Variants in CCDC142 observed in about 807,000 individuals in gnomAD.
The protein encoded by CCDC142 is coiled-coil domain containing 142, also known as coiled-coil domain-containing protein 142.
A neutral mutation model predicts 83.8 loss-of-function variants in CCDC142; 67 were observed. The observed-to-expected ratio is 0.80, with a 90% confidence interval of 0.66 to 0.98. The LOEUF (loss-of-function observed/expected upper bound fraction) is 0.98, where lower values mean the gene tolerates loss of function less well. Ranked by LOEUF, CCDC142 falls within the 50% of genes least tolerant of loss-of-function variation. CCDC142 has a pLI of 0.00. For missense variants in CCDC142, 905 were observed against 946.8 expected (o/e 0.96, Z 0.58); for synonymous variants, 421 against 421.2 (o/e 1.00, Z 0.01).
At chr2:74,478,724 T>A (rs1672381361) in intron 5 of CCDC142, among the ~76,000 whole-genome samples, 1 of 151,656 alleles carries the variant, frequency 6.6e-6, no homozygotes, top group South Asian at 2.1e-4. Context: ...AAAAAAAAAT[T>A]TTTTTAAGTA....
In CCDC142 at chr2:74,473,583, C is replaced by T. The variant is rs1258976732; in HGVS notation, c.*963G>A. On this transcript the variant is annotated 3_prime_UTR_variant, in exon 9 of 9. Transcript: ENST00000393965. ...CCGCCCCTCTAGGCCTCCCAAAGTG[C>T]TGGGATTACAGGCGTGAGCAGGCGT... 6.6e-6 allele frequency among the ~76,000 whole-genome samples: 1 copy of T among 152,112 alleles called. No individual in the cohort carries two copies. Among genetic ancestry groups the T allele is most frequent in the Non-Finnish European group, 1.5e-5 (1 of 68,018 alleles).
chr2:74,482,712 C>T lies in CCDC142; in HGVS notation c.126G>A (p.Glu42=). ...ERSRTGGLRW[E]VHCWPSGTSG... ...AAGTTCCGCTCGGCCAGCAGTGAAC[C>T]TCCCAGCGAAGACCGCCCGTTCGAC... The change falls in exon 1 of 9, where the codon GAG becomes GAA. Residue 42 remains glutamate (E), a synonymous_variant. Transcript: ENST00000393965. This position sits in a 1 kb window ranked among gnomAD's most constrained non-coding sequence, Gnocchi z 5.0. 6.2e-7 allele frequency: 1 copy of T among 1,607,308 alleles called. No individual in the cohort carries two copies.
Position 74,481,827 on chromosome 2 carries a change from T to C in CCDC142, c.1011A>G (p.Ala337=), listed in dbSNP as rs778666932. Residue 337 remains alanine, a synonymous_variant, in exon 1 of 9, where the codon GCA becomes GCG. Transcript: ENST00000393965. ...PRATAQQLSQ[A]LGQASLPQEC... ...AAGCCCATCACTCACCCTGACCCAG[T>C]GCCTGACTCAGCTGTTGCGCTGTTG... The C allele has an allele frequency of 4.8e-5, 78 of 1,611,320 alleles. No homozygotes were observed. In the Admixed American group the frequency reaches 1.2e-3, roughly 25 times the overall value.
At position 74,480,759 on chromosome 2, in the gene CCDC142, C is replaced by T. The variant is rs1558574094; in HGVS notation, c.1503+10G>A. The T allele has an allele frequency of 1.3e-6, 2 of 1,597,836 alleles. No homozygotes were observed. Among genetic ancestry groups the T allele is most frequent in the East Asian group, 2.2e-5 (1 of 44,610 alleles). ...TCTTACACTGCCACTGTTGAGGCCC[C>T]TGTTCTCACCTGGATCTGTGCAGTC... On this transcript the variant is annotated intron_variant, in intron 5 of 8. Transcript: ENST00000393965.
rs752756542 is a variant in CCDC142 at position 74,482,623 on chromosome 2, G to A, written c.215C>T (p.Ala72Val). The A allele has an allele frequency of 1.9e-6, 3 of 1,609,912 alleles. No individual in the cohort carries two copies. The highest frequency in any genetic ancestry group is 2.5e-6 in the Non-Finnish European group (3 of 1,178,482). ...ACCTGCGGGCCCCCGCCTCCAGGCC[G>A]CAGCATCAGCCTCGTAGTCCTCGCT... ...DVSEDYEADAAAWRRGPAGGG... is the reference protein window; with the variant it reads ...DVSEDYEADAVAWRRGPAGGG... Residue 72 changes from alanine (A) to valine (V), a missense_variant, in exon 1 of 9, where the codon GCG becomes GTG. By Grantham distance (64) the Ala-to-Val change is moderately conservative (BLOSUM62 0). This residue lies in a region of CCDC142 where 591 missense variants were observed against 571.4 expected (regional missense o/e 1.03). Coordinates refer to ENST00000393965, the MANE Select transcript of CCDC142 (RefSeq NM_001365575.2). The surrounding 1 kb of genome is among the most constrained non-coding windows in gnomAD (Gnocchi z 5.0).
At chr2:74,479,025 C>CAAA (rs56291332) in intron 5 of CCDC142, among the ~76,000 whole-genome samples, 2 of 62,096 alleles carry the variant, frequency 3.2e-5, no homozygotes, top group Non-Finnish European at 6.6e-5. Flanking sequence ...GACACCTTCT[C>CAAA]AAAAAAAAAA....
intron 1 of CCDC142, 103 bp downstream of exon 1, chr2:74,481,714 T>A: frequency 6.9e-7 from 1 of 1,454,728 alleles, no homozygotes; most frequent in Non-Finnish European, 9.4e-7. Context: ...GTGTTCTTTC[T>A]AAAGGGCCTG....
In CCDC142 at chr2:74,472,982, C is replaced by G. The variant is rs186823767; in HGVS notation, c.*1564G>C. Reference sequence around the variant, plus strand: ...AATACGCCCGTTTTCTGCAGCCTTTCCCCTTCTGTACCCTGCTGGGCCACA... The same window carrying G: ...AATACGCCCGTTTTCTGCAGCCTTTGCCCTTCTGTACCCTGCTGGGCCACA... On this transcript the variant is annotated 3_prime_UTR_variant, in exon 9 of 9. Coordinates refer to ENST00000393965, the MANE Select transcript of CCDC142 (RefSeq NM_001365575.2). 377 of 417,364 alleles carry G rather than the reference C, an allele frequency of 9.0e-4. 1 individual carries two copies. The highest frequency in any genetic ancestry group is 2.7e-3 in the Admixed American group (70 of 25,760). 25.9% of individuals were successfully genotyped at this position (417,364 alleles called of 1,614,324 possible). A position where few individuals can be genotyped will look rare whatever the true frequency, so the allele number is the denominator to read the frequency against.
Position 74,482,782 on chromosome 2 carries a change from A to T in CCDC142, c.56T>A (p.Leu19Gln). Residue 19 changes from leucine (L) to glutamine (Q), a missense_variant, in exon 1 of 9, where the codon CTG (leucine) becomes CAG (glutamine). Coordinates refer to ENST00000393965, the MANE Select transcript of CCDC142 (RefSeq NM_001365575.2). This position sits in a 1 kb window ranked among gnomAD's most constrained non-coding sequence, Gnocchi z 5.0. The stretch of plus-strand genomic sequence containing the variant: ...CCCAGTGCCCCCGGGTTGCGCCCTC[A>T]GCGGGGGCACGATAACGAGTGGAGG... ...SLPPLVIVPP[L>Q]RAQPGGTGEE... 1 of 1,600,426 alleles carries T rather than the reference A, an allele frequency of 6.2e-7. No homozygotes were observed. The highest frequency in any genetic ancestry group is 2.2e-5 in the East Asian group (1 of 44,878).
rs575253942 is a variant in CCDC142 at position 74,482,828 on chromosome 2, C to G, written c.10G>C (p.Ala4Pro). ...GGAGGCAGGCTACCTGAGCGAGACG[C>G]CTGGGCCATGGGGCGGCGGGTCCAG... is the stretch of plus-strand genomic sequence containing the variant. MAQ[A>P]SRSGSLPPLV... Residue 4 changes from alanine (A) to proline (P), a missense_variant, in exon 1 of 9, where the codon GCG becomes CCG. Around this residue, in one of 3 missense-constraint regions of CCDC142, gnomAD observed 591 missense variants for 571.4 expected, o/e 1.03. Transcript: ENST00000393965. The surrounding 1 kb of genome is among the most constrained non-coding windows in gnomAD (Gnocchi z 5.0). 6.3e-7 allele frequency: 1 copy of G among 1,598,866 alleles called. No homozygotes were observed. Among genetic ancestry groups the G allele is most frequent in the Admixed American group, 1.7e-5 (1 of 59,968 alleles).
At chr2:74,481,621 G>T in intron 1 of CCDC142, 83 bp from the exon 2 acceptor site, 2 of 1,429,500 alleles carry the variant, frequency 1.4e-6, no homozygotes, top group Non-Finnish European at 2.0e-6. Flanking sequence ...AGGCAAGAAG[G>T]CATGCTTCCT....
rs1280677155 is a variant in CCDC142 at position 74,482,842 on chromosome 2, C to A, written c.-5G>T. On this transcript the variant is annotated 5_prime_UTR_variant, in exon 1 of 9. Coordinates refer to ENST00000393965, the MANE Select transcript of CCDC142 (RefSeq NM_001365575.2). The surrounding 1 kb of genome is among the most constrained non-coding windows in gnomAD (Gnocchi z 5.0). Reference sequence around the variant, plus strand: ...TGAGCGAGACGCCTGGGCCATGGGGCGGCGGGTCCAGAACGAACCTAACGA... The same window carrying A: ...TGAGCGAGACGCCTGGGCCATGGGGAGGCGGGTCCAGAACGAACCTAACGA... The A allele has an allele frequency of 1.9e-6, 3 of 1,596,130 alleles. No individual in the cohort carries two copies. In the Admixed American group the frequency reaches 5.0e-5, roughly 27 times the overall value.
rs760109982 is a variant in CCDC142, at chr2:74,475,238, C to T, written c.1783G>A (p.Gly595Arg). Reference sequence around the variant, plus strand: ...TTTACTCCTGACCTGAACCGAATCCCATGGGTAAGAATGTGGTCAAGCCAG... The same window carrying T: ...TTTACTCCTGACCTGAACCGAATCCTATGGGTAAGAATGTGGTCAAGCCAG... ...GAWLDHILTHGIRFSLQGALQ... is the reference protein window; with the variant it reads ...GAWLDHILTHRIRFSLQGALQ... The change falls in exon 7 of 9, where the codon GGG (glycine) becomes AGG (arginine). Residue 595 changes from glycine to arginine, a missense_variant. Around this residue, in one of 3 missense-constraint regions of CCDC142, gnomAD observed 265 missense variants for 288.9 expected, o/e 0.92. Coordinates refer to ENST00000393965, the MANE Select transcript of CCDC142 (RefSeq NM_001365575.2). The T allele has an allele frequency of 5.0e-6, 8 of 1,614,106 alleles. No homozygotes were observed. Among genetic ancestry groups the T allele is most frequent in the Non-Finnish European group, 6.8e-6 (8 of 1,180,048 alleles).
Position 74,474,469 on chromosome 2 carries a change from T to C in CCDC142, c.*77A>G, listed in dbSNP as rs1375052914. On this transcript the variant is annotated 3_prime_UTR_variant, in exon 9 of 9. Coordinates refer to ENST00000393965, the MANE Select transcript of CCDC142 (RefSeq NM_001365575.2). ...AGCTTCCAGTTCTGGGCTTCCTTAATATGCAATTCCAAATGTCTGGATTTT... is the reference window on the plus strand; with the variant it reads ...AGCTTCCAGTTCTGGGCTTCCTTAACATGCAATTCCAAATGTCTGGATTTT... 1 of 1,480,400 alleles carries C rather than the reference T, an allele frequency of 6.8e-7. No homozygotes were observed. The highest frequency in any genetic ancestry group is 9.0e-7 in the Non-Finnish European group (1 of 1,112,598). 91.7% of individuals were successfully genotyped at this position (1,480,400 alleles called of 1,614,324 possible).
Position 74,480,865 on chromosome 2 carries a change from T to C in CCDC142, c.1407A>G (p.Ala469=), listed in dbSNP as rs759647821. ...QKDLPPLLHE[A]EALYSLASEE... ...CTGAGGCCAGGCTATACAAAGCTTC[T>C]GCCTCATGCAACAGAGGCTTTGGGT... The change falls in exon 5 of 9, where the codon GCA becomes GCG. Residue 469 remains alanine, a synonymous_variant. Coordinates refer to ENST00000393965, the MANE Select transcript of CCDC142 (RefSeq NM_001365575.2). 1 of 1,613,968 alleles carries C rather than the reference T, an allele frequency of 6.2e-7. No individual in the cohort carries two copies. Among genetic ancestry groups the C allele is most frequent in the South Asian group, 1.1e-5 (1 of 91,080 alleles).
intron 5 of CCDC142, among the ~76,000 whole-genome samples, chr2:74,476,721 G>C (rs1672334802): frequency 6.6e-6 from 1 of 152,208 alleles, no homozygotes; most frequent in Non-Finnish European, 1.5e-5. Flanking sequence ...TGGAGGGAGA[G>C]AACACAGCAA....
At chr2:74,481,177 A>G (rs1672437919) in intron 3 of CCDC142, 46 bp downstream of exon 3, 1 of 1,612,260 alleles carries the variant, frequency 6.2e-7, no homozygotes, top group Non-Finnish European at 8.5e-7. Flanking sequence ...AAGAAAAGAG[A>G]TATCCTCAAC....
At position 74,473,161 on chromosome 2, in the gene CCDC142, T is replaced by C. The variant is rs1173145017; in HGVS notation, c.*1385A>G. On this transcript the variant is annotated 3_prime_UTR_variant, in exon 9 of 9. Coordinates refer to ENST00000393965, the MANE Select transcript of CCDC142 (RefSeq NM_001365575.2). ...AGCCAAAGCTTAAACGTGAAAGTAC[T>C]ACAGCCCAATATTAGTAAATGACTG... 4.9e-6 allele frequency: 1 copy of C among 203,072 alleles called. No homozygotes were observed. Among genetic ancestry groups the C allele is most frequent in the African/African-American group, 2.4e-5 (1 of 41,928 alleles). 12.6% of individuals were successfully genotyped at this position (203,072 alleles called of 1,614,324 possible).
rs1415457039 is a variant in CCDC142, at chr2:74,482,481, C to T, written c.357G>A (p.Val119=). 3.2e-6 allele frequency: 5 copies of T among 1,552,150 alleles called. No individual in the cohort carries two copies. In the African/African-American group the frequency reaches 4.1e-5, roughly 13 times the overall value. Residue 119 remains valine (V), a synonymous_variant, in exon 1 of 9, where the codon GTG becomes GTA. Coordinates refer to ENST00000393965, the MANE Select transcript of CCDC142 (RefSeq NM_001365575.2). This position sits in a 1 kb window ranked among gnomAD's most constrained non-coding sequence, Gnocchi z 5.0. ...RDCAYHLQSA[V]RLMKTLSPGS... ...CAGGACTCAGGGTCTTCATGAGTCG[C>T]ACAGCCGACTGTAGGTGGTAGGCGC...
Sources: allele counts gnomAD v4.1 joint callset (sites outside exome capture counted in the v4.1 genomes callset), GRCh38; gene constraint gnomAD v4.1.1; regional missense constraint gnomAD v4.1.1; non-coding constraint Gnocchi (gnomAD v3.1); transcripts MANE v1.5; gene names NCBI Gene and HGNC (gene_info 2026-07-23, HGNC 2026-07-21).